ASTN2: variants seen among roughly 807,000 people sequenced by gnomAD.
The protein encoded by ASTN2 is astrotactin 2, also known as astrotactin-2.
A neutral mutation model predicts 139.8 loss-of-function variants in ASTN2; 54 were observed. The observed-to-expected ratio is 0.39, with a 90% CI of 0.31 to 0.48. ASTN2 has a LOEUF of 0.48. Ranked by LOEUF, ASTN2 falls within the 20% of genes least tolerant of loss-of-function variation. The pLI, the probability that ASTN2 is intolerant of heterozygous loss-of-function variation, is 0.95. For missense variants in ASTN2, 1,565 were observed against 1,725.1 expected (o/e 0.91, Z 1.64); for synonymous variants, 756 against 719.5 (o/e 1.05, Z -0.81).
chr9:117,156,992 A>G (rs1230900185), intron 3 of ASTN2, among the ~76,000 whole-genome samples: 1 of 152,002 alleles, frequency 6.6e-6, no homozygotes, highest in Non-Finnish European at 1.5e-5. Context: ...ATACACACAG[A>G]CATACAGACA....
intron 13 of ASTN2, among the ~76,000 whole-genome samples, chr9:116,746,583 T>C (rs1325645091): frequency 1.3e-5 from 2 of 152,212 alleles, no homozygotes; most frequent in Non-Finnish European, 2.9e-5. Flanking sequence ...AACTGATAAC[T>C]TATTCATGGG....
rs1374387780 is a variant in ASTN2, at chr9:117,120,034, A to G, written c.1168+21292T>C. On this transcript the variant is annotated intron_variant, in intron 4 of 22. Coordinates refer to ENST00000313400, the MANE Select transcript of ASTN2 (RefSeq NM_001365068.1). ...TGTGTGTGTGTATATATATATATAT[A>G]TATATATATATATATACCCTGAGTA... Among the ~76,000 whole-genome samples the G allele has an allele frequency of 3.4e-4, 40 of 116,622 alleles. 1 individual carries two copies. Among genetic ancestry groups the G allele is most frequent in the African/African-American group, 8.8e-4 (30 of 34,092 alleles). 76.5% of individuals were successfully genotyped at this position (116,622 alleles called of 152,430 possible).
chr9:116,511,463 T>A (rs1850374640), intron 19 of ASTN2, among the ~76,000 whole-genome samples: 1 of 152,212 alleles, frequency 6.6e-6, no homozygotes, highest in Non-Finnish European at 1.5e-5. Flanking sequence ...TCTAAAATTA[T>A]CATTTTTTGT....
chr9:116,479,575 G>A (rs534028544), intron 20 of ASTN2, among the ~76,000 whole-genome samples: 6 of 152,306 alleles, frequency 3.9e-5, no homozygotes, highest in African/African-American at 1.4e-4. Flanking sequence ...CGGCAGATGA[G>A]AGCTGGGAAA....
intron 2 of ASTN2, among the ~76,000 whole-genome samples, chr9:117,232,731 C>T (rs1485874255): frequency 1.3e-5 from 2 of 152,150 alleles, no homozygotes; most frequent in Non-Finnish European, 2.9e-5. Context: ...GCAAATTGTT[C>T]TGTTATTATT....
At chr9:117,181,328 G>C (rs1209121976) in intron 3 of ASTN2, 2 of 389,300 alleles carry the variant, frequency 5.1e-6, no homozygotes, top group Non-Finnish European at 9.6e-6. Flanking sequence ...CAAAGAGCTG[G>C]TAAGTATCAG....
At chr9:116,961,038 T>C (rs1835862171) in intron 10 of ASTN2, among the ~76,000 whole-genome samples, 1 of 150,596 alleles carries the variant, frequency 6.6e-6, no homozygotes, top group Admixed American at 6.6e-5. Flanking sequence ...AGAAGAGGTG[T>C]ATTGTGGAGC....
At chr9:117,093,011 T>G (rs956887525) in intron 5 of ASTN2, among the ~76,000 whole-genome samples, 1 of 151,784 alleles carries the variant, frequency 6.6e-6, no homozygotes, top group Non-Finnish European at 1.5e-5. Context: ...GTAAACAGGG[T>G]GCAAAGGAAC....
chr9:117,024,002 T>A (rs905529874), intron 6 of ASTN2, among the ~76,000 whole-genome samples: 1 of 152,078 alleles, frequency 6.6e-6, no homozygotes, highest in African/African-American at 2.4e-5. Context: ...GACTGGGCGC[T>A]ACTGAGGGCT....
intron 19 of ASTN2, among the ~76,000 whole-genome samples, chr9:116,533,577 T>C (rs891302841): frequency 4.6e-5 from 7 of 152,222 alleles, no homozygotes; most frequent in Admixed American, 4.6e-4. Context: ...TGAAGCGCTG[T>C]TGAATTTTGT....
chr9:116,854,533 G>C (rs1316738189), intron 11 of ASTN2, among the ~76,000 whole-genome samples: 2 of 152,118 alleles, frequency 1.3e-5, no homozygotes, highest in African/African-American at 2.4e-5. Flanking sequence ...CAAAAGTAGG[G>C]GATGGTAGTG....
intron 19 of ASTN2, among the ~76,000 whole-genome samples, chr9:116,563,376 AAAAAATAAAAAT>A (rs201744424): frequency 0.012 from 1,309 of 111,650 alleles, 15 homozygotes; most frequent in African/African-American, 0.04. Flanking sequence ...CTCTGTCTCA[AAAAAATAAAAAT>A]AAAAATAAAA....
At chr9:116,693,586 G>C (rs535219105) in intron 16 of ASTN2, among the ~76,000 whole-genome samples, 2 of 152,066 alleles carry the variant, frequency 1.3e-5, no homozygotes, top group Admixed American at 1.3e-4. Context: ...GATGTGGGAA[G>C]ATGGTAGGCT....
chr9:116,985,369 A>G (rs577589985), intron 7 of ASTN2, among the ~76,000 whole-genome samples: 7 of 152,190 alleles, frequency 4.6e-5, no homozygotes, highest in Non-Finnish European at 7.3e-5. Flanking sequence ...ATCAGGTCTG[A>G]TAAGAGATTA....
rs914557231 is a variant in ASTN2 at position 117,409,042 on chromosome 9, T to G, written c.442+5455A>C. Among the ~76,000 whole-genome samples the G allele has an allele frequency of 9.5e-4, 144 of 152,158 alleles. 1 individual carries two copies. Among genetic ancestry groups the G allele is most frequent in the Non-Finnish European group, 1.8e-4 (12 of 68,038 alleles). The stretch of plus-strand genomic sequence containing the variant: ...AGACCATCACACCAAGATGGGAACT[T>G]GAAGTTTGACTGCTAACCAAATATC... On this transcript the variant is annotated intron_variant, in intron 1 of 22. Coordinates refer to ENST00000313400, the MANE Select transcript of ASTN2 (RefSeq NM_001365068.1).
chr9:116,926,089 C>A (rs569822445), intron 10 of ASTN2, among the ~76,000 whole-genome samples: 1 of 152,250 alleles, frequency 6.6e-6, no homozygotes, highest in East Asian at 1.9e-4. Context: ...ACTGTGCATG[C>A]CATCCCATCC....
intron 19 of ASTN2, among the ~76,000 whole-genome samples, chr9:116,523,786 C>T (rs901531122): frequency 2.6e-4 from 40 of 152,194 alleles, no homozygotes; most frequent in Admixed American, 1.4e-3. Context: ...TTTCTAGAGT[C>T]ACAATTTGCT....
intron 3 of ASTN2, among the ~76,000 whole-genome samples, chr9:117,184,446 G>A (rs1316871849): frequency 1.3e-5 from 2 of 152,144 alleles, no homozygotes; most frequent in African/African-American, 4.8e-5. Flanking sequence ...GGGAAATCAT[G>A]AGGAAGTGAT....
At chr9:116,553,647 G>C (rs1056499837) in intron 19 of ASTN2, among the ~76,000 whole-genome samples, 1 of 152,138 alleles carries the variant, frequency 6.6e-6, no homozygotes, top group African/African-American at 2.4e-5. Context: ...TACCTTCCTA[G>C]GCTGGTGTGA....
Sources: allele counts gnomAD v4.1 joint callset (sites outside exome capture counted in the v4.1 genomes callset), GRCh38; gene constraint gnomAD v4.1.1; transcripts MANE v1.5; gene names NCBI Gene and HGNC (gene_info 2026-07-23, HGNC 2026-07-21).